The following ERC1 variants were observed in gnomAD, a reference collection of about 807,000 sequenced individuals.
ERC1 encodes ELKS/RAB6-interacting/CAST family member 1.
A neutral mutation model predicts 132.0 loss-of-function variants in ERC1; 56 were observed. The observed-to-expected ratio is 0.42, with a 90% CI of 0.34 to 0.53. ERC1 has a LOEUF of 0.53. Among genes scored for constraint, ERC1 ranks in the 20% least tolerant of loss-of-function variants. The pLI is 0.03. For missense variants in ERC1, 1,202 were observed against 1,349.9 expected (o/e 0.89, Z 1.72); for synonymous variants, 478 against 476.1 (o/e 1.00, Z -0.05).
At chr12:1,360,345 T>G (rs1286624790) in intron 15 of ERC1, among the ~76,000 whole-genome samples, 1 of 152,214 alleles carries the variant, frequency 6.6e-6, no homozygotes, top group African/African-American at 2.4e-5. Flanking sequence ...ATAAGAACGT[T>G]GGAACTTAGG....
At chr12:1,091,265 C>T (rs1299914079) in intron 3 of ERC1, among the ~76,000 whole-genome samples, 1 of 152,094 alleles carries the variant, frequency 6.6e-6, no homozygotes, top group Non-Finnish European at 1.5e-5. Context: ...TGTGCATCAG[C>T]ACTGTTCAGA....
rs78835837 is a variant in ERC1, at chr12:1,180,046, C to T, written c.1738-494C>T. Among the ~76,000 whole-genome samples the T allele has an allele frequency of 5.2e-3, 799 of 152,286 alleles. 11 individuals are homozygous for T. The highest frequency in any genetic ancestry group is 0.018 in the African/African-American group (754 of 41,550). On this transcript the variant is annotated intron_variant, in intron 8 of 18. Coordinates refer to ENST00000360905, the MANE Select transcript of ERC1 (RefSeq NM_178040.4). ...CTAACCTAACACTAGCCTTTAAGAACACAGTCTTTTCTTTATATAGCTGAT... is the reference window on the plus strand; with the variant it reads ...CTAACCTAACACTAGCCTTTAAGAATACAGTCTTTTCTTTATATAGCTGAT...
intron 8 of ERC1, among the ~76,000 whole-genome samples, chr12:1,180,194 T>G (rs1954245335): frequency 6.6e-6 from 1 of 152,164 alleles, no homozygotes; most frequent in Admixed American, 6.5e-5. Context: ...CTTTCCTCTC[T>G]ACATGGCCAT....
intron 13 of ERC1, among the ~76,000 whole-genome samples, chr12:1,253,990 G>T (rs1457925628): frequency 6.6e-6 from 1 of 152,150 alleles, no homozygotes; most frequent in Non-Finnish European, 1.5e-5. Flanking sequence ...CTCCTGCCGT[G>T]AACCCTGTAC....
intron 16 of ERC1, among the ~76,000 whole-genome samples, chr12:1,395,241 C>T (rs2154384602): frequency 6.6e-6 from 1 of 152,260 alleles, no homozygotes; most frequent in South Asian, 2.1e-4. Flanking sequence ...CAAATTGGCC[C>T]AAAAGGTATT....
chr12:1,128,973 A>T (rs1948475775), intron 7 of ERC1, among the ~76,000 whole-genome samples: 1 of 152,234 alleles, frequency 6.6e-6, no homozygotes, highest in Admixed American at 6.5e-5. Context: ...ATTATTAAAA[A>T]GAACTCTATG....
intron 8 of ERC1, among the ~76,000 whole-genome samples, chr12:1,153,457 A>G (rs1951020509): frequency 6.6e-6 from 1 of 152,198 alleles, no homozygotes; most frequent in African/African-American, 2.4e-5. Context: ...GAGATTGTGG[A>G]TTTCAGGTTG....
At chr12:1,124,419 A>T (rs529901976) in intron 7 of ERC1, among the ~76,000 whole-genome samples, 1 of 152,316 alleles carries the variant, frequency 6.6e-6, no homozygotes, top group Admixed American at 6.5e-5. Context: ...GTTAAAGGAA[A>T]AATATAAACA....
chr12:1,211,310 G>A (rs960906592), intron 12 of ERC1, among the ~76,000 whole-genome samples: 5 of 151,720 alleles, frequency 3.3e-5, no homozygotes, highest in African/African-American at 1.2e-4. Flanking sequence ...CCCCATGCCC[G>A]GCTAATTTTG....
chr12:1,401,836 G>T (rs1406008857), intron 16 of ERC1, among the ~76,000 whole-genome samples: 1 of 151,770 alleles, frequency 6.6e-6, no homozygotes, highest in African/African-American at 2.4e-5. Context: ...TAAAAACTTA[G>T]TGGCAAGTTA....
chr12:1,003,344 A>G (rs1962844482), intron 1 of ERC1, among the ~76,000 whole-genome samples: 1 of 152,150 alleles, frequency 6.6e-6, no homozygotes, highest in African/African-American at 2.4e-5. Context: ...ATCTGATGGT[A>G]TTATAAATAG....
At chr12:1,468,010 G>A (rs149552006) in intron 18 of ERC1, among the ~76,000 whole-genome samples, 283 of 152,314 alleles carry the variant, frequency 1.9e-3, no homozygotes, top group African/African-American at 6.2e-3. Flanking sequence ...CTCCTGCTGT[G>A]TGGCCCAGTT....
chr12:1,105,397 G>A (rs1029266197), intron 4 of ERC1, among the ~76,000 whole-genome samples: 10 of 151,764 alleles, frequency 6.6e-5, no homozygotes, highest in South Asian at 2.1e-4. Context: ...TCGCTCTGTC[G>A]CCTAGGCTGG....
At chr12:993,511 C>T (rs1414234345) in intron 1 of ERC1, among the ~76,000 whole-genome samples, 3 of 152,168 alleles carry the variant, frequency 2.0e-5, no homozygotes, top group Non-Finnish European at 4.4e-5. Context: ...CTTGTGATAT[C>T]CTTGTTGAGT....
intron 18 of ERC1, among the ~76,000 whole-genome samples, chr12:1,486,911 A>G (rs1433704785): frequency 6.6e-6 from 1 of 152,260 alleles, no homozygotes; most frequent in East Asian, 1.9e-4. Context: ...AAGAAGAGTT[A>G]CCTGGCTCAG....
At chr12:1,320,925 T>G (rs974131791) in intron 15 of ERC1, among the ~76,000 whole-genome samples, 1 of 152,148 alleles carries the variant, frequency 6.6e-6, no homozygotes, top group Admixed American at 6.6e-5. Context: ...ATGGTCTTGA[T>G]CTCCTGACCT....
chr12:1,253,463 G>A (rs1441373409), intron 13 of ERC1, among the ~76,000 whole-genome samples: 1 of 152,106 alleles, frequency 6.6e-6, no homozygotes, highest in African/African-American at 2.4e-5. Flanking sequence ...GATCACCTGA[G>A]GTCAGGAGTT....
intron 18 of ERC1, among the ~76,000 whole-genome samples, chr12:1,472,724 G>A (rs2093888642): frequency 6.6e-6 from 1 of 150,796 alleles, no homozygotes; most frequent in Non-Finnish European, 1.5e-5. Flanking sequence ...AGGGAAGGAG[G>A]GAGGAAGGAA....
chr12:1,160,824 G>A (rs1345933923), intron 8 of ERC1, among the ~76,000 whole-genome samples: 2 of 152,098 alleles, frequency 1.3e-5, no homozygotes, highest in African/African-American at 4.8e-5. Flanking sequence ...CCAAACTCCT[G>A]GTCTTAAGCA....
Sources: gnomAD v4.1 joint callset for allele counts (sites outside exome capture counted in the v4.1 genomes callset) on GRCh38, gnomAD v4.1.1 for gene constraint, MANE v1.5 for transcripts, NCBI Gene and HGNC (gene_info 2026-07-23, HGNC 2026-07-21) for gene names.